The following CIT variants were observed in gnomAD, a reference collection of about 807,000 sequenced individuals.
CIT encodes citron Rho-interacting kinase.
Under a neutral mutation model 272.7 loss-of-function variants are expected in CIT, and 79 were observed. The observed-to-expected ratio is 0.29, with a 90% CI of 0.24 to 0.35. CIT has a LOEUF of 0.35. Ranked by LOEUF, CIT falls within the 10% of genes least tolerant of loss-of-function variation. The pLI is 1.00. For missense variants in CIT, 1,909 were observed against 2,618.3 expected, an observed-to-expected ratio of 0.73 and a Z score of 5.91; for synonymous variants, 948 against 995.6, an observed-to-expected ratio of 0.95 and a Z score of 0.90.
At chr12:119,782,750 C>T (rs531379524) in intron 12 of CIT, 113 bp from the exon 13 acceptor site, 27 of 1,303,120 alleles carry the variant, frequency 2.1e-5, no homozygotes, top group Non-Finnish European at 2.5e-5. Context: ...TTTCGAGTGA[C>T]GGACCACAGT....
Position 119,752,156 on chromosome 12 carries a change from G to A in CIT, c.2798C>T (p.Thr933Ile), listed in dbSNP as rs1357306423. The A allele has an allele frequency of 1.2e-5, 19 of 1,612,792 alleles. No individual in the cohort carries two copies. The highest frequency in any genetic ancestry group is 1.2e-5 in the Non-Finnish European group (14 of 1,180,004). ...LSLQERESQL[T>I]ALQAARAALE... ...GGCCGCCCGTGCAGCCTGCAGGGCT[G>A]TCAACTGTGACTCGCGCTCCTGCAG... Residue 933 changes from threonine to isoleucine, a missense_variant, in exon 23 of 48, where the codon ACA (threonine) becomes ATA (isoleucine). Thr to Ile is a moderately conservative substitution (Grantham distance 89). Around this residue, in one of 8 missense-constraint regions of CIT, gnomAD observed 530 missense variants for 822.4 expected, o/e 0.64. Transcript: ENST00000392521.
At chr12:119,742,727 C>CGTGT (rs1445299899) in intron 23 of CIT, 2 of 325,798 alleles carry the variant, frequency 6.1e-6, no homozygotes. Flanking sequence ...TATATTAACA[C>CGTGT]CTACAGGCTA....
chr12:119,850,057 TA>T, intron 5 of CIT, 116 bp downstream of exon 5: 1 of 764,100 alleles, frequency 1.3e-6, no homozygotes, highest in South Asian at 1.5e-5. Context: ...ACCTGTAAGG[TA>T]AGAAAGTCTT....
intron 19 of CIT, 144 bp from the exon 20 acceptor site, chr12:119,761,199 G>C: frequency 1.4e-6 from 1 of 701,706 alleles, no homozygotes; most frequent in Non-Finnish European, 2.5e-6. Context: ...CAAAGAGAAG[G>C]CAAAAACTGG....
rs1394554609 is a variant in CIT, at chr12:119,697,114, G to A, written c.5882+545C>T. On this transcript the variant is annotated intron_variant, in intron 46 of 47. Transcript: ENST00000392521. This position sits in a 1 kb window ranked among gnomAD's most constrained non-coding sequence, Gnocchi z 4.9. ...ATCTCTGGACCTCCAGGCATGGCTT[G>A]CCTTCCCTCCTGCCTGAGCACCCCT... is the stretch of plus-strand genomic sequence containing the variant. 2.0e-5 allele frequency among the ~76,000 whole-genome samples: 3 copies of A among 152,102 alleles called. No homozygotes were observed. The highest frequency in any genetic ancestry group is 4.4e-5 in the Non-Finnish European group (3 of 68,004).
intron 28 of CIT, among the ~76,000 whole-genome samples, chr12:119,721,748 A>G (rs1957823871): frequency 1.3e-5 from 2 of 152,282 alleles, no homozygotes; most frequent in African/African-American, 4.8e-5. Context: ...TTGGTACATT[A>G]AGGTGAGGAT....
Position 119,690,033 on chromosome 12 carries a change from T to C in CIT, c.6186+118A>G. The stretch of plus-strand genomic sequence containing the variant: ...TCCTAAATTCCTGTGTCTCGCAAAG[T>C]CTGAATTACAGTCATGGAGTTCCTT... On this transcript the variant is annotated intron_variant, in intron 47 of 47. Coordinates refer to ENST00000392521, the MANE Select transcript of CIT (RefSeq NM_001206999.2). The surrounding 1 kb of genome is among the most constrained non-coding windows in gnomAD (Gnocchi z 6.0). 1 of 986,344 alleles carries C rather than the reference T, an allele frequency of 1.0e-6. No individual in the cohort carries two copies. The highest frequency in any genetic ancestry group is 3.1e-5 in the South Asian group (1 of 32,732). The allele number at this position is 986,344 out of a possible 1,614,324, so 61.1% of individuals were successfully genotyped here.
At chr12:119,814,977 G>A (rs1967009027) in intron 9 of CIT, among the ~76,000 whole-genome samples, 2 of 150,792 alleles carry the variant, frequency 1.3e-5, no homozygotes, top group African/African-American at 2.4e-5. Flanking sequence ...GGCAGAAGTT[G>A]CAGTGAGCCG....
intron 18 of CIT, among the ~76,000 whole-genome samples, chr12:119,767,683 A>C (rs983708220): frequency 5.3e-5 from 8 of 152,230 alleles, no homozygotes; most frequent in Non-Finnish European, 1.0e-4. Flanking sequence ...TCAAGTTTTG[A>C]ATGATGATTT....
At chr12:119,853,605 T>A (rs1970377822) in intron 4 of CIT, among the ~76,000 whole-genome samples, 1 of 152,188 alleles carries the variant, frequency 6.6e-6, no homozygotes, top group Non-Finnish European at 1.5e-5. Context: ...ATTAAACTAT[T>A]AAATGTTTTT....
At chr12:119,753,774 C>T (rs1293404700) in intron 22 of CIT, among the ~76,000 whole-genome samples, 1 of 151,620 alleles carries the variant, frequency 6.6e-6, no homozygotes, top group Non-Finnish European at 1.5e-5. Context: ...ATGACTCCCA[C>T]ATTTCTGGAC....
At chr12:119,704,709 G>A (rs1005543068) in intron 40 of CIT, among the ~76,000 whole-genome samples, 2 of 152,136 alleles carry the variant, frequency 1.3e-5, no homozygotes, top group Non-Finnish European at 2.9e-5. Flanking sequence ...CCCTGGTAAG[G>A]CAGAATTACC....
chr12:119,828,230 C>T (rs1381349940), intron 7 of CIT, among the ~76,000 whole-genome samples: 1 of 152,076 alleles, frequency 6.6e-6, no homozygotes, highest in Non-Finnish European at 1.5e-5. Flanking sequence ...GGAAAAATAC[C>T]CACTGGCTTC....
At chr12:119,708,529 AC>A (rs937342857) in intron 39 of CIT, among the ~76,000 whole-genome samples, 1 of 151,688 alleles carries the variant, frequency 6.6e-6, no homozygotes, top group African/African-American at 2.4e-5. Context: ...TCTGTTGCCC[AC>A]ACTGGAGTGC....
intron 7 of CIT, among the ~76,000 whole-genome samples, chr12:119,829,880 C>T (rs554801172): frequency 4.7e-4 from 72 of 151,972 alleles, no homozygotes; most frequent in Non-Finnish European, 8.5e-4. Flanking sequence ...ATCCAAAATA[C>T]GAAGATATTA....
At chr12:119,765,078 G>C (rs11836706) in intron 19 of CIT, among the ~76,000 whole-genome samples, 61 of 152,182 alleles carry the variant, frequency 4.0e-4, no homozygotes, top group African/African-American at 1.4e-3. Context: ...CAAGTGCTGG[G>C]ATTACAGGCG....
rs1295852023 is a variant in CIT, at chr12:119,690,339, G to A, written c.5998C>T (p.Arg2000Cys). The A allele has an allele frequency of 1.9e-6, 3 of 1,597,718 alleles. No individual in the cohort carries two copies. The highest frequency in any genetic ancestry group is 1.3e-5 in the African/African-American group (1 of 74,906). Residue 2000 changes from arginine (R) to cysteine (C), a missense_variant, in exon 47 of 48, where the codon CGC becomes TGC. Arg to Cys is a radical substitution (Grantham distance 180). Coordinates refer to ENST00000392521, the MANE Select transcript of CIT (RefSeq NM_001206999.2). The surrounding 1 kb of genome is among the most constrained non-coding windows in gnomAD (Gnocchi z 6.0). Reference protein sequence around the residue: ...SHPREPSTPHRYREGRTELRR... With the variant: ...SHPREPSTPHCYREGRTELRR... Reference sequence around the variant, plus strand: ...AGCTCGGTCCGCCCCTCGCGGTAGCGGTGGGGTGTGCTTGGCTCTCGCGGG... The same window carrying A: ...AGCTCGGTCCGCCCCTCGCGGTAGCAGTGGGGTGTGCTTGGCTCTCGCGGG...
intron 3 of CIT, among the ~76,000 whole-genome samples, chr12:119,860,113 C>T (rs766264261): frequency 6.6e-6 from 1 of 152,206 alleles, no homozygotes; most frequent in Non-Finnish European, 1.5e-5. Context: ...CCATCGCACT[C>T]AGCCTGCAAC....
intron 37 of CIT, chr12:119,711,086 T>A: frequency 7.3e-7 from 1 of 1,366,724 alleles, no homozygotes; most frequent in Non-Finnish European, 9.8e-7. Flanking sequence ...AGAAACACAG[T>A]CGCGGGCCTA....
Sources: gnomAD v4.1 joint callset for allele counts (sites outside exome capture counted in the v4.1 genomes callset) on GRCh38, gnomAD v4.1.1 for gene constraint, gnomAD v4.1.1 regional missense constraint, Gnocchi (gnomAD v3.1) non-coding constraint, MANE v1.5 for transcripts, NCBI Gene and HGNC (gene_info 2026-07-23, HGNC 2026-07-21) for gene names.